The following BBS9 variants were observed in gnomAD, a reference collection of about 807,000 sequenced individuals.
BBS9 encodes the protein Bardet-Biedl syndrome 9.
In BBS9, 89 loss-of-function variants were observed where a neutral mutation model predicts 117.7. The ratio of observed to expected loss-of-function variants is 0.76; its 90% CI spans 0.64 to 0.90. The LOEUF (loss-of-function observed/expected upper bound fraction) is 0.90, where lower values mean the gene tolerates loss of function less well. Ranked by LOEUF, BBS9 falls within the 40% of genes least tolerant of loss-of-function variation. The pLI, the probability that BBS9 is intolerant of heterozygous loss-of-function variation, is 0.00. For missense variants in BBS9, 982 were observed against 1,042.2 expected (o/e 0.94, Z 0.80); for synonymous variants, 379 against 370.9 (o/e 1.02, Z -0.25).
At chr7:33,358,019 C>T in intron 16 of BBS9, 24 bp downstream of exon 16, 1 of 1,606,826 alleles carries the variant, frequency 6.2e-7, no homozygotes, top group Non-Finnish European at 8.5e-7. Flanking sequence ...AATAACATGC[C>T]TGCAGCATCA....
In BBS9 at chr7:33,349,051, A is replaced by G. The variant is rs749474575; in HGVS notation, c.1330-17A>G. ...TAAAATGTAATTTTCTATTGATAAC[A>G]ATTTCTGTTTCCTTAGGTCACACTG... On this transcript the variant is annotated splice_polypyrimidine_tract_variant and intron_variant, in intron 12 of 22. Coordinates refer to ENST00000242067, the MANE Select transcript of BBS9 (RefSeq NM_198428.3). The G allele has an allele frequency of 3.9e-6, 6 of 1,528,624 alleles. No individual in the cohort carries two copies. In the South Asian group the frequency reaches 5.6e-5, roughly 14 times the overall value. The allele number at this position is 1,528,624 out of a possible 1,614,324, so 94.7% of individuals were successfully genotyped here. A position where few individuals can be genotyped will look rare whatever the true frequency, so the allele number is the denominator to read the frequency against.
intron 21 of BBS9, among the ~76,000 whole-genome samples, chr7:33,590,458 TG>T (rs1476814074): frequency 9.5e-4 from 93 of 98,154 alleles, no homozygotes; most frequent in Middle Eastern, 4.5e-3. Flanking sequence ...TTTGTTTTTT[TG>T]TTTTTTTTTT....
At chr7:33,160,720 CA>C (rs1489443992) in intron 4 of BBS9, among the ~76,000 whole-genome samples, 3 of 152,186 alleles carry the variant, frequency 2.0e-5, no homozygotes, top group Non-Finnish European at 4.4e-5. Flanking sequence ...ATTATTAACT[CA>C]AAATTTCAAG....
Position 33,351,271 on chromosome 7 carries a change from T to C in BBS9, c.1485T>C (p.Tyr495=). Residue 495 remains tyrosine, a synonymous_variant, in exon 14 of 23, where the codon TAT becomes TAC. Coordinates refer to ENST00000242067, the MANE Select transcript of BBS9 (RefSeq NM_198428.3). ...VSFSVYLKRS[Y]TPSELEGNAV... The stretch of plus-strand genomic sequence containing the variant: ...TTTCTGTTTATCTGAAAAGAAGTTA[T>C]ACACCATCAGAATTGGAAGGAAATG... 1.9e-6 allele frequency: 3 copies of C among 1,613,448 alleles called. No homozygotes were observed. Among genetic ancestry groups the C allele is most frequent in the Non-Finnish European group, 1.7e-6 (2 of 1,179,460 alleles).
At chr7:33,461,610 AT>A (rs1386127096) in intron 19 of BBS9, among the ~76,000 whole-genome samples, 1 of 151,946 alleles carries the variant, frequency 6.6e-6, no homozygotes, top group Non-Finnish European at 1.5e-5. Context: ...GCAGAAGTCA[AT>A]TTAAATGTTC....
chr7:33,497,492 G>T (rs1183701526), intron 19 of BBS9, among the ~76,000 whole-genome samples: 1 of 152,026 alleles, frequency 6.6e-6, no homozygotes, highest in African/African-American at 2.4e-5. Context: ...CTTGAGTTTT[G>T]ATTTTCTATG....
At chr7:33,212,932 C>A (rs1562806802) in intron 5 of BBS9, among the ~76,000 whole-genome samples, 1 of 152,188 alleles carries the variant, frequency 6.6e-6, no homozygotes, top group African/African-American at 2.4e-5. Context: ...CTTGTGGCCA[C>A]CAACACTGGG....
At chr7:33,407,465 C>A (rs9691171) in intron 19 of BBS9, among the ~76,000 whole-genome samples, 2 of 151,282 alleles carry the variant, frequency 1.3e-5, no homozygotes, top group African/African-American at 4.8e-5. Flanking sequence ...AGCTTTGTTC[C>A]GTTGCTGGTG....
At chr7:33,367,147 A>G (rs1244096009) in intron 16 of BBS9, among the ~76,000 whole-genome samples, 1 of 152,104 alleles carries the variant, frequency 6.6e-6, no homozygotes, top group East Asian at 1.9e-4. Context: ...AGTAGTTGTT[A>G]TATGGTGCAG....
At chr7:33,267,488 T>C (rs1799028968) in intron 7 of BBS9, among the ~76,000 whole-genome samples, 1 of 152,026 alleles carries the variant, frequency 6.6e-6, no homozygotes, top group Non-Finnish European at 1.5e-5. Context: ...TTAAATTCTA[T>C]TTTATCTTTG....
At chr7:33,406,055 C>T (rs1413345106) in intron 19 of BBS9, among the ~76,000 whole-genome samples, 4 of 152,054 alleles carry the variant, frequency 2.6e-5, no homozygotes, top group African/African-American at 4.8e-5. Context: ...TCTTTGTTCT[C>T]GTTGGTTTCA....
intron 4 of BBS9, among the ~76,000 whole-genome samples, chr7:33,161,509 C>T (rs1794843853): frequency 6.6e-6 from 1 of 152,176 alleles, no homozygotes; most frequent in South Asian, 2.1e-4. Context: ...TTTTCTTAAT[C>T]CAGTCTATCA....
At chr7:33,264,193 TA>T (rs1798415065) in intron 6 of BBS9, 96 bp from the exon 7 acceptor site, 2 of 595,590 alleles carry the variant, frequency 3.4e-6, no homozygotes, top group African/African-American at 2.0e-5. Context: ...AAGTGCTTTA[TA>T]AAGTTTATAG....
chr7:33,285,730 G>C (rs550236271), intron 9 of BBS9, among the ~76,000 whole-genome samples: 18 of 152,060 alleles, frequency 1.2e-4, no homozygotes, highest in Non-Finnish European at 2.2e-4. Flanking sequence ...TTCATAAACT[G>C]TAGTATGGCT....
chr7:33,309,181 C>A (rs1411066207), intron 9 of BBS9, among the ~76,000 whole-genome samples: 2 of 152,136 alleles, frequency 1.3e-5, no homozygotes, highest in South Asian at 2.1e-4. Flanking sequence ...GCCTGGATTG[C>A]AGGAGGATTA....
intron 21 of BBS9, among the ~76,000 whole-genome samples, chr7:33,557,205 C>A (rs562822374): frequency 3.3e-5 from 5 of 152,160 alleles, no homozygotes; most frequent in African/African-American, 9.7e-5. Context: ...GTAAAATCAT[C>A]TCTTCAATTA....
chr7:33,129,490 T>G (rs1317613723), upstream of BBS9: 1 of 188,882 alleles, frequency 5.3e-6, no homozygotes. Context: ...CGCCTCAGCC[T>G]CTCTGGACTC....
intron 21 of BBS9, among the ~76,000 whole-genome samples, chr7:33,562,816 C>T (rs1856288484): frequency 6.6e-6 from 1 of 151,808 alleles, no homozygotes; most frequent in Non-Finnish European, 1.5e-5. Context: ...CCCAGCTACT[C>T]GGGAAGCTGA....
At chr7:33,513,363 G>A (rs1392523764) in intron 20 of BBS9, among the ~76,000 whole-genome samples, 2 of 151,980 alleles carry the variant, frequency 1.3e-5, no homozygotes, top group Non-Finnish European at 2.9e-5. Flanking sequence ...TTCTCATTAA[G>A]TACTCTAAAA....
Sources: gnomAD v4.1 joint callset for allele counts (sites outside exome capture counted in the v4.1 genomes callset) on GRCh38, gnomAD v4.1.1 for gene constraint, MANE v1.5 for transcripts, NCBI Gene and HGNC (gene_info 2026-07-23, HGNC 2026-07-21) for gene names.